Variants in FAM222A observed in about 807,000 individuals in gnomAD.
FAM222A encodes the protein protein FAM222A.
Under a neutral mutation model 25.8 loss-of-function variants are expected in FAM222A, and 7 were observed. The ratio of observed to expected loss-of-function variants is 0.27; its 90% CI spans 0.15 to 0.51. The LOEUF is 0.51. Ranked by LOEUF, FAM222A falls within the 20% of genes least tolerant of loss-of-function variation. The pLI is 0.97. For missense variants in FAM222A, 573 were observed against 640.5 expected (o/e 0.89, Z 1.14); for synonymous variants, 294 against 298.8 (o/e 0.98, Z 0.17).
chr12:109,732,528 C>T (rs1004341945), intron 1 of FAM222A, among the ~76,000 whole-genome samples: 36 of 152,250 alleles, frequency 2.4e-4, no homozygotes, highest in African/African-American at 8.0e-4. Flanking sequence ...CATCTGATCC[C>T]GTCTTTTCCA....
intron 2 of FAM222A, among the ~76,000 whole-genome samples, chr12:109,747,978 T>C (rs1012881736): frequency 6.6e-6 from 1 of 152,242 alleles, no homozygotes; most frequent in African/African-American, 2.4e-5. Flanking sequence ...TCTTGCTTTG[T>C]AGCTTCTAGA....
At chr12:109,725,784 A>G (rs1887829074) in intron 1 of FAM222A, among the ~76,000 whole-genome samples, 3 of 152,010 alleles carry the variant, frequency 2.0e-5, no homozygotes, top group Admixed American at 6.5e-5. Flanking sequence ...GGCCCGGAAA[A>G]AAGCCGGCCC....
Position 109,714,201 on chromosome 12 carries a change from TGCCGCCGCCGCC to T in FAM222A, c.-737_-726del. On this transcript the variant is annotated 5_prime_UTR_variant, in exon 1 of 3. Coordinates refer to ENST00000538780, the MANE Select transcript of FAM222A (RefSeq NM_032829.3). The surrounding 1 kb of genome is among the most constrained non-coding windows in gnomAD (Gnocchi z 4.2). ...CTGCATCCGAGCTTGCGTCGCCCGC[TGCCGCCGCCGCC>T]GCCGCTGCCGCCGCCGCTGTTCGCC... 4.9e-6 allele frequency: 1 copy of T among 206,028 alleles called. No homozygotes were observed. The highest frequency in any genetic ancestry group is 5.8e-5 in the South Asian group (1 of 17,270). 12.8% of individuals were successfully genotyped at this position (206,028 alleles called of 1,614,324 possible). A position where few individuals can be genotyped will look rare whatever the true frequency, so the allele number is the denominator to read the frequency against.
intron 1 of FAM222A, among the ~76,000 whole-genome samples, chr12:109,729,819 C>A (rs1887911142): frequency 1.3e-5 from 2 of 152,180 alleles, no homozygotes; most frequent in African/African-American, 4.8e-5. Flanking sequence ...AGTTTTTCTT[C>A]TTTTCGATTT....
intron 2 of FAM222A, among the ~76,000 whole-genome samples, chr12:109,765,328 C>T (rs1889013736): frequency 6.6e-6 from 1 of 152,164 alleles, no homozygotes; most frequent in African/African-American, 2.4e-5. Flanking sequence ...CTGTGACAGC[C>T]AATCATGTCT....
chr12:109,737,078 T>C lies in FAM222A; in HGVS notation c.-46-7023T>C, dbSNP rs1244890935. Reference sequence around the variant, plus strand: ...TTGACGATTCATCAAACATTTATTATGTACCTTGTATGTCTTGGAGAAGCC... The same window carrying C: ...TTGACGATTCATCAAACATTTATTACGTACCTTGTATGTCTTGGAGAAGCC... On this transcript the variant is annotated intron_variant, in intron 1 of 2. Coordinates refer to ENST00000538780, the MANE Select transcript of FAM222A (RefSeq NM_032829.3). 3.3e-5 allele frequency among the ~76,000 whole-genome samples: 5 copies of C among 152,286 alleles called. No homozygotes were observed. The South Asian group carries it at 8.3e-4, about 25-fold the overall frequency.
intron 2 of FAM222A, among the ~76,000 whole-genome samples, chr12:109,759,922 T>G (rs1164005870): frequency 6.6e-6 from 1 of 152,176 alleles, no homozygotes; most frequent in East Asian, 1.9e-4. Flanking sequence ...TCTCCAAATC[T>G]AGCCCAGGAG....
chr12:109,718,299 C>CCCCACCGACCCA, intron 1 of FAM222A, among the ~76,000 whole-genome samples: 1 of 136,756 alleles, frequency 7.3e-6, no homozygotes, highest in African/African-American at 2.7e-5. Flanking sequence ...CCACTGAGGC[C>CCCCACCGACCCA]CCCACCCACC....
intron 1 of FAM222A, among the ~76,000 whole-genome samples, chr12:109,718,960 C>T (rs1250509952): frequency 6.6e-6 from 1 of 152,202 alleles, no homozygotes. Context: ...CTGCATGCAT[C>T]AAACAAAAGA....
intron 2 of FAM222A, among the ~76,000 whole-genome samples, chr12:109,759,702 A>G (rs1565846364): frequency 6.6e-6 from 1 of 152,170 alleles, no homozygotes. Context: ...GAGTGGCCCC[A>G]GTACACAGTG....
At chr12:109,744,298 T>C in intron 2 of FAM222A, 70 bp downstream of exon 2, 1 of 1,536,800 alleles carries the variant, frequency 6.5e-7, no homozygotes. Context: ...CCCCCCAGGA[T>C]GTCCACCTAC....
rs375720408 is a variant in FAM222A at position 109,741,060 on chromosome 12, C to T, written c.-46-3041C>T. ...GGTGGGCAAAGAGGGCTGGGCTCCA[C>T]GCCGGGGCCAGAGAGGTTTTAAGGC... On this transcript the variant is annotated intron_variant, in intron 1 of 2. Transcript: ENST00000538780. Among the ~76,000 whole-genome samples the T allele has an allele frequency of 3.9e-5, 6 of 152,264 alleles. No homozygotes were observed. The East Asian group carries it at 9.7e-4, about 25-fold the overall frequency.
intron 2 of FAM222A, among the ~76,000 whole-genome samples, chr12:109,755,643 G>A (rs1888705459): frequency 6.6e-6 from 1 of 152,176 alleles, no homozygotes; most frequent in Non-Finnish European, 1.5e-5. Context: ...TTCATTTTGA[G>A]TTAAGTTTTG....
chr12:109,730,562 C>G (rs1305945702), intron 1 of FAM222A, among the ~76,000 whole-genome samples: 3 of 152,186 alleles, frequency 2.0e-5, no homozygotes, highest in Non-Finnish European at 4.4e-5. Context: ...ACTCCTTTTT[C>G]TGGGAAGCAG....
At chr12:109,716,616 G>A (rs1484260369) in intron 1 of FAM222A, among the ~76,000 whole-genome samples, 6 of 152,218 alleles carry the variant, frequency 3.9e-5, no homozygotes, top group Admixed American at 6.5e-5. Context: ...TGGGCAGAAG[G>A]GCTGTTTGCG....
At chr12:109,746,601 A>G (rs1345452617) in intron 2 of FAM222A, among the ~76,000 whole-genome samples, 1 of 152,212 alleles carries the variant, frequency 6.6e-6, no homozygotes, top group Non-Finnish European at 1.5e-5. Context: ...TGTTTTAATT[A>G]TTATGTTGTT....
chr12:109,770,248 T>C lies in FAM222A; in HGVS notation c.*960T>C, dbSNP rs1360073656. Reference sequence around the variant, plus strand: ...CCTGCAAACCACCCTCCAAGGCCTGTCCCACACGATCAAGGCAGGGAAAGA... The same window carrying C: ...CCTGCAAACCACCCTCCAAGGCCTGCCCCACACGATCAAGGCAGGGAAAGA... On this transcript the variant is annotated 3_prime_UTR_variant, in exon 3 of 3. Transcript: ENST00000538780. 1.3e-5 allele frequency: 2 copies of C among 152,558 alleles called. No homozygotes were observed. Among genetic ancestry groups the C allele is most frequent in the Non-Finnish European group, 2.9e-5 (2 of 68,042 alleles). 9.5% of individuals were successfully genotyped at this position (152,558 alleles called of 1,614,324 possible).
chr12:109,713,915 G>A lies in FAM222A; in HGVS notation c.-1029G>A, dbSNP rs1015766146. Among the ~76,000 whole-genome samples the A allele has an allele frequency of 2.2e-4, 33 of 146,668 alleles. No individual in the cohort carries two copies. The highest frequency in any genetic ancestry group is 7.6e-4 in the African/African-American group (31 of 40,788). ...CGCCGGCCGGGGGAGGCGGACAGCC[G>A]GGCCCGGCGCCTGTGGGGCGCGGCG... On this transcript the variant is annotated 5_prime_UTR_variant, in exon 1 of 3. Transcript: ENST00000538780.
chr12:109,751,620 T>C (rs1888561637), intron 2 of FAM222A, among the ~76,000 whole-genome samples: 2 of 152,224 alleles, frequency 1.3e-5, no homozygotes, highest in African/African-American at 2.4e-5. Flanking sequence ...TTATCCTCTT[T>C]TTCCTCAGAC....
Sources: allele counts gnomAD v4.1 joint callset (sites outside exome capture counted in the v4.1 genomes callset), GRCh38; gene constraint gnomAD v4.1.1; non-coding constraint Gnocchi (gnomAD v3.1); transcripts MANE v1.5; gene names NCBI Gene and HGNC (gene_info 2026-07-23, HGNC 2026-07-21).